Variants in RGSL1 observed in about 807,000 individuals in gnomAD.
RGSL1 encodes regulator of G protein signaling like 1, also known as regulator of G protein signaling protein-like.
A neutral mutation model predicts 124.7 loss-of-function variants in RGSL1; 97 were observed. The observed-to-expected ratio is 0.78, with a 90% CI of 0.66 to 0.92. The LOEUF (loss-of-function observed/expected upper bound fraction) is 0.92, where lower values mean the gene tolerates loss of function less well. Among genes scored for constraint, RGSL1 ranks in the 40% least tolerant of loss-of-function variants. The pLI, the probability that RGSL1 is intolerant of heterozygous loss-of-function variation, is 0.00. For synonymous variants in RGSL1, 424 were observed against 438.1 expected (o/e 0.97, Z 0.40); for missense variants, 1,233 against 1,288.4 (o/e 0.96, Z 0.66).
At position 182,488,305 on chromosome 1, in the gene RGSL1, T is replaced by C; in HGVS notation, c.1452T>C (p.Asp484=). The C allele has an allele frequency of 1.3e-6, 2 of 1,552,314 alleles. No homozygotes were observed. Among genetic ancestry groups the C allele is most frequent in the Non-Finnish European group, 8.7e-7 (1 of 1,147,132 alleles). The part of the protein sequence containing the change: ...EICKMLSPWY[D]EFLDEEDYWF... ...TTCAGATGCTCAGTCCCTGGTATGA[T>C]GAGTTTCTAGATGAAGAGGACTACT... The change falls in exon 7 of 22, where the codon GAT becomes GAC. Residue 484 remains aspartate (D), a synonymous_variant. Coordinates refer to ENST00000294854, the MANE Select transcript of RGSL1 (RefSeq NM_001137669.2).
rs1558430801 is a variant in RGSL1, at chr1:182,548,725, ATGCCATCCTTGC to A, written c.2842_2853del (p.Leu948_Ile951del). 2 of 1,551,630 alleles carry A rather than the reference ATGCCATCCTTGC, an allele frequency of 1.3e-6. No individual in the cohort carries two copies. The highest frequency in any genetic ancestry group is 1.7e-6 in the Non-Finnish European group (2 of 1,146,978). On this transcript the variant is annotated inframe_deletion, in exon 17 of 22. Transcript: ENST00000294854. Reference sequence around the variant, plus strand: ...GTGAATGTCCCTGAGTTCCAGAAGGATGCCATCCTTGCTGCCATCACAGAGGGCTACCTAGAT... The same window carrying A: ...GTGAATGTCCCTGAGTTCCAGAAGGATGCCATCACAGAGGGCTACCTAGAT...
intron 9 of RGSL1, among the ~76,000 whole-genome samples, chr1:182,505,520 T>G (rs1656748611): frequency 6.6e-6 from 1 of 152,184 alleles, no homozygotes; most frequent in Non-Finnish European, 1.5e-5. Flanking sequence ...TTCTCACCAT[T>G]TTTGTCGTAT....
At chr1:182,504,448 C>CT (rs1656651136) in intron 9 of RGSL1, among the ~76,000 whole-genome samples, 1 of 91,130 alleles carries the variant, frequency 1.1e-5, no homozygotes, top group African/African-American at 3.9e-5. Flanking sequence ...TCCATTGGTT[C>CT]TTTTTTCCTG....
chr1:182,532,940 A>G, intron 14 of RGSL1, 149 bp downstream of exon 14: 1 of 799,912 alleles, frequency 1.3e-6, no homozygotes, highest in Non-Finnish European at 1.9e-6. Context: ...AGCCAGGCCC[A>G]GGCCTTCCTA....
At chr1:182,479,861 A>C (rs553836494) in intron 6 of RGSL1, among the ~76,000 whole-genome samples, 2 of 152,352 alleles carry the variant, frequency 1.3e-5, no homozygotes, top group East Asian at 3.9e-4. Flanking sequence ...ATAGAATTTA[A>C]GTCAAAAGCT....
In RGSL1 at chr1:182,488,321, G is replaced by A. The variant is rs1558292402; in HGVS notation, c.1468G>A (p.Glu490Lys). Residue 490 changes from glutamate to lysine, a missense_variant, in exon 7 of 22, where the codon GAG becomes AAG. Glu to Lys is a moderately conservative substitution (Grantham distance 56, BLOSUM62 1). Transcript: ENST00000294854. ...CTGGTATGATGAGTTTCTAGATGAA[G>A]AGGACTACTGGTTTCTCCTTTTTAC... ...SPWYDEFLDE[E>K]DYWFLLFTTQ... The A allele has an allele frequency of 6.4e-7, 1 of 1,552,364 alleles. No homozygotes were observed. Among genetic ancestry groups the A allele is most frequent in the Non-Finnish European group, 8.7e-7 (1 of 1,147,142 alleles).
At chr1:182,517,966 A>G (rs1329514824) in intron 9 of RGSL1, among the ~76,000 whole-genome samples, 2 of 152,174 alleles carry the variant, frequency 1.3e-5, no homozygotes, top group African/African-American at 4.8e-5. Context: ...TCTTTGCATT[A>G]AAGAGTTATT....
intron 9 of RGSL1, among the ~76,000 whole-genome samples, chr1:182,494,765 C>T (rs1655796283): frequency 6.6e-6 from 1 of 152,170 alleles, no homozygotes; most frequent in Admixed American, 6.5e-5. Flanking sequence ...TCGTCATTCT[C>T]CCCTAGCATT....
At chr1:182,550,951 T>G (rs1571716931) in intron 17 of RGSL1, 149 bp from the exon 18 acceptor site, 28 of 619,344 alleles carry the variant, frequency 4.5e-5, no homozygotes. Flanking sequence ...CACTGGCAGG[T>G]AGAACCCCAA....
intron 20 of RGSL1, 85 bp from the exon 21 acceptor site, chr1:182,555,939 G>A: frequency 7.9e-7 from 1 of 1,270,206 alleles, no homozygotes; most frequent in Non-Finnish European, 1.1e-6. Flanking sequence ...ATTCCTAAAG[G>A]AAATGACAGT....
At chr1:182,531,074 TCA>T in intron 13 of RGSL1, among the ~76,000 whole-genome samples, 164 bp downstream of exon 13, 2 of 152,092 alleles carry the variant, frequency 1.3e-5, no homozygotes, top group South Asian at 4.2e-4. Context: ...GTGATTAGAG[TCA>T]ACTGAGTAAT....
chr1:182,530,395 T>G (rs1211014770), intron 12 of RGSL1, 34 bp downstream of exon 12: 6 of 1,503,260 alleles, frequency 4.0e-6, no homozygotes, highest in Non-Finnish European at 5.4e-6. Flanking sequence ...GGATTCTTCC[T>G]GGAGTTGCTC....
At chr1:182,511,166 G>T (rs1214241224) in intron 9 of RGSL1, among the ~76,000 whole-genome samples, 2 of 151,990 alleles carry the variant, frequency 1.3e-5, no homozygotes, top group African/African-American at 4.8e-5. Flanking sequence ...TATCCAGCTT[G>T]CTTTCTTTAT....
In RGSL1 at chr1:182,555,865, G is replaced by T. The variant is rs566661976; in HGVS notation, c.3198-159G>T. 1.4e-5 allele frequency: 9 copies of T among 644,308 alleles called. No homozygotes were observed. In the South Asian group the frequency reaches 1.6e-4, roughly 11 times the overall value. 39.9% of individuals were successfully genotyped at this position (644,308 alleles called of 1,614,324 possible). A position where few individuals can be genotyped will look rare whatever the true frequency, so the allele number is the denominator to read the frequency against. On this transcript the variant is annotated intron_variant, in intron 20 of 21. Transcript: ENST00000294854. Reference sequence around the variant, plus strand: ...GAGTTTATAAGGCCTTGGGGAAGAAGGTGAGACTAAGAATGTGAGAAGCCC... The same window carrying T: ...GAGTTTATAAGGCCTTGGGGAAGAATGTGAGACTAAGAATGTGAGAAGCCC...
intron 6 of RGSL1, among the ~76,000 whole-genome samples, chr1:182,478,787 C>T (rs1305861519): frequency 6.6e-6 from 1 of 152,022 alleles, no homozygotes; most frequent in Admixed American, 6.5e-5. Flanking sequence ...CATACTCAGA[C>T]ATATGATAAA....
intron 8 of RGSL1, among the ~76,000 whole-genome samples, chr1:182,490,365 A>G (rs1264725505): frequency 2.0e-5 from 3 of 152,218 alleles, no homozygotes; most frequent in Non-Finnish European, 2.9e-5. Context: ...ATGTATTTAC[A>G]TAGTAAGCAG....
At chr1:182,484,193 T>C (rs1654919091) in intron 6 of RGSL1, among the ~76,000 whole-genome samples, 1 of 152,054 alleles carries the variant, frequency 6.6e-6, no homozygotes, top group South Asian at 2.1e-4. Context: ...TTTTGGCCTG[T>C]AGTGTGGGGT....
At chr1:182,479,020 T>C (rs1654499305) in intron 6 of RGSL1, among the ~76,000 whole-genome samples, 1 of 152,122 alleles carries the variant, frequency 6.6e-6, no homozygotes, top group Non-Finnish European at 1.5e-5. Context: ...TGAAGAAGTG[T>C]TTAAAAAAAA....
In RGSL1 at chr1:182,548,737, C is replaced by T; in HGVS notation, c.2846C>T (p.Ala949Val). The change falls in exon 17 of 22, where the codon GCT becomes GTT. Residue 949 changes from alanine (A) to valine (V), a missense_variant. By Grantham distance (64) the Ala-to-Val change is moderately conservative. Coordinates refer to ENST00000294854, the MANE Select transcript of RGSL1 (RefSeq NM_001137669.2). ...VPEFQKDAIL[A>V]AITEGYLDRS... is the part of the protein sequence containing the mutation. Reference sequence around the variant, plus strand: ...GAGTTCCAGAAGGATGCCATCCTTGCTGCCATCACAGAGGGCTACCTAGAT... The same window carrying T: ...GAGTTCCAGAAGGATGCCATCCTTGTTGCCATCACAGAGGGCTACCTAGAT... The T allele has an allele frequency of 6.4e-7, 1 of 1,551,644 alleles. No homozygotes were observed.
Sources: allele counts gnomAD v4.1 joint callset (sites outside exome capture counted in the v4.1 genomes callset), GRCh38; gene constraint gnomAD v4.1.1; transcripts MANE v1.5; gene names NCBI Gene and HGNC (gene_info 2026-07-23, HGNC 2026-07-21).